The following GPC1 variants were observed in gnomAD, a reference collection of about 807,000 sequenced individuals.
GPC1 encodes glypican 1.
GPC1 carries 26 observed loss-of-function variants against 51.5 expected under a neutral mutation model. The ratio of observed to expected loss-of-function variants is 0.50; its 90% CI spans 0.37 to 0.70. The LOEUF (loss-of-function observed/expected upper bound fraction) is 0.70. GPC1 is among the 30% of genes least tolerant of loss of function. GPC1 has a pLI of 0.00. For synonymous variants in GPC1, 380 were observed against 348.3 expected (o/e 1.09, Z -1.01); for missense variants, 775 against 800.5 (o/e 0.97, Z 0.38).
intron 2 of GPC1, among the ~76,000 whole-genome samples, chr2:240,460,924 G>T (rs865847893): frequency 1.3e-5 from 2 of 152,152 alleles, no homozygotes; most frequent in African/African-American, 4.8e-5. Context: ...AGTGGGAGGC[G>T]GTAGGAGGGG....
At chr2:240,438,249 C>T (rs2073996237) in intron 1 of GPC1, among the ~76,000 whole-genome samples, 1 of 152,184 alleles carries the variant, frequency 6.6e-6, no homozygotes, top group East Asian at 1.9e-4. Context: ...AGGAACCTCT[C>T]TCCCTGCACC....
intron 7 of GPC1, 63 bp from the exon 8 acceptor site, chr2:240,465,410 T>C: frequency 6.6e-7 from 1 of 1,506,220 alleles, no homozygotes; most frequent in Non-Finnish European, 9.2e-7. Context: ...AGTGTCCTGC[T>C]CAGGTGATGG....
rs553420280 is a variant in GPC1 at position 240,441,750 on chromosome 2, C to G, written c.166+5666C>G. Among the ~76,000 whole-genome samples, 28 of 152,312 alleles carry G rather than the reference C, an allele frequency of 1.8e-4. 1 individual carries two copies. The South Asian group carries it at 5.6e-3, about 30-fold the overall frequency. ...CCCTGAGCCGCTTGAAGTCTCCTGA[C>G]GGGGTGGGGGGTGCAGTGTAGGGTG... On this transcript the variant is annotated intron_variant, in intron 1 of 8. Coordinates refer to ENST00000264039, the MANE Select transcript of GPC1 (RefSeq NM_002081.3).
intron 2 of GPC1, among the ~76,000 whole-genome samples, chr2:240,461,329 T>C (rs1018862209): frequency 6.6e-6 from 1 of 152,214 alleles, no homozygotes; most frequent in Non-Finnish European, 1.5e-5. Flanking sequence ...TCTGCCCTGC[T>C]ACCCTGGAGC....
chr2:240,464,828 C>A, intron 5 of GPC1, 28 bp from the exon 6 acceptor site: 1 of 1,561,998 alleles, frequency 6.4e-7, no homozygotes, highest in East Asian at 2.4e-5. Context: ...CCCCACTACC[C>A]CCCAAGGACC....
intron 1 of GPC1, 93 bp from the exon 2 acceptor site, chr2:240,458,937 G>T: frequency 1.7e-6 from 2 of 1,211,496 alleles, no homozygotes; most frequent in East Asian, 2.5e-5. Context: ...CTCCACCCTG[G>T]GTCTGCCATC....
intron 1 of GPC1, chr2:240,442,210 C>G (rs775522764): frequency 6.7e-6 from 1 of 149,168 alleles, no homozygotes; most frequent in East Asian, 1.9e-4. Flanking sequence ...TCGGCCAACA[C>G]GTACCCTCCC....
intron 3 of GPC1, among the ~76,000 whole-genome samples, chr2:240,462,905 CAGAAG>C (rs1179050587): frequency 5.3e-5 from 8 of 152,078 alleles, no homozygotes; most frequent in Non-Finnish European, 2.9e-5. Context: ...GCAGAGGAGA[CAGAAG>C]AGAACAACAT....
rs2074229669 is a variant in GPC1, at chr2:240,463,007, C to G, written c.718-340C>G. On this transcript the variant is annotated intron_variant, in intron 3 of 8. Coordinates refer to ENST00000264039, the MANE Select transcript of GPC1 (RefSeq NM_002081.3). ...CTTGCGGGGCACGTGTCAGACCCAG[C>G]TAAGCTGGGACATAGGGAGGGCGTC... 2.0e-5 allele frequency among the ~76,000 whole-genome samples: 3 copies of G among 152,308 alleles called. No individual in the cohort carries two copies. The South Asian group carries it at 6.2e-4, about 32-fold the overall frequency.
Position 240,465,566 on chromosome 2 carries a change from G to C in GPC1, c.1362G>C (p.Arg454=). ...TCACCAAGCCGGACATGACCATCCG[G>C]CAGCAGATCATGCAGCTGAAGATCA... ...VDITKPDMTI[R]QQIMQLKIMT... is the part of the protein sequence containing the mutation. The change falls in exon 8 of 9, where the codon CGG becomes CGC. Residue 454 remains arginine, a synonymous_variant. Coordinates refer to ENST00000264039, the MANE Select transcript of GPC1 (RefSeq NM_002081.3). 6.2e-7 allele frequency: 1 copy of C among 1,613,170 alleles called. No individual in the cohort carries two copies. The highest frequency in any genetic ancestry group is 1.1e-5 in the South Asian group (1 of 91,088).
Position 240,465,574 on chromosome 2 carries a change from T to C in GPC1, c.1370T>C (p.Ile457Thr). 6.2e-7 allele frequency: 1 copy of C among 1,613,086 alleles called. No individual in the cohort carries two copies. ...TKPDMTIRQQIMQLKIMTNRL... is the reference protein window; with the variant it reads ...TKPDMTIRQQTMQLKIMTNRL... ...CCGGACATGACCATCCGGCAGCAGATCATGCAGCTGAAGATCATGACCAAC... is the reference window on the plus strand; with the variant it reads ...CCGGACATGACCATCCGGCAGCAGACCATGCAGCTGAAGATCATGACCAAC... The change falls in exon 8 of 9, where the codon ATC becomes ACC. Residue 457 changes from isoleucine (I) to threonine (T), a missense_variant. By Grantham distance (89) the Ile-to-Thr change is moderately conservative (BLOSUM62 -1). Transcript: ENST00000264039.
chr2:240,446,309 T>G lies in GPC1; in HGVS notation c.166+10225T>G, dbSNP rs77398729. Among the ~76,000 whole-genome samples, 1,423 of 152,362 alleles carry G rather than the reference T, an allele frequency of 9.3e-3. 21 individuals carry two copies. The highest frequency in any genetic ancestry group is 0.033 in the African/African-American group (1,354 of 41,584). ...CTGCATCATTGGAGGCTCCGTGAGC[T>G]CCTACTGGGTGCTGTTCTGGGTGCT... is the stretch of plus-strand genomic sequence containing the variant. On this transcript the variant is annotated intron_variant, in intron 1 of 8. Coordinates refer to ENST00000264039, the MANE Select transcript of GPC1 (RefSeq NM_002081.3).
chr2:240,446,913 T>C (rs10207602), intron 1 of GPC1, among the ~76,000 whole-genome samples: 90,526 of 152,002 alleles, frequency 0.6, 28,849 homozygotes, highest in African/African-American at 0.8. Context: ...GCAGTGGAGC[T>C]GCACGGCTGG....
At chr2:240,447,355 G>T (rs35140969) in intron 1 of GPC1, among the ~76,000 whole-genome samples, 4 of 152,162 alleles carry the variant, frequency 2.6e-5, no homozygotes, top group African/African-American at 9.6e-5. Context: ...TGGTTGGGGC[G>T]ACATTGACAG....
chr2:240,461,801 G>T (rs545876833), intron 2 of GPC1, among the ~76,000 whole-genome samples: 1 of 152,058 alleles, frequency 6.6e-6, no homozygotes, highest in East Asian at 1.9e-4. Flanking sequence ...TGGCAGGGGG[G>T]CACAGACCGG....
intron 1 of GPC1, chr2:240,457,924 C>T (rs2074182975): frequency 7.6e-6 from 3 of 396,062 alleles, no homozygotes; most frequent in Non-Finnish European, 1.6e-5. Context: ...CCCTTGACCC[C>T]ACCCCTCTGA....
At chr2:240,463,216 G>A (rs993755358) in intron 3 of GPC1, 131 bp from the exon 4 acceptor site, 8 of 714,870 alleles carry the variant, frequency 1.1e-5, no homozygotes, top group South Asian at 1.8e-5. Flanking sequence ...CGACCACCAC[G>A]AGCTGGGGCA....
intron 1 of GPC1, among the ~76,000 whole-genome samples, chr2:240,456,437 C>A (rs2074164782): frequency 6.6e-6 from 1 of 152,146 alleles, no homozygotes. Flanking sequence ...GAGTCTTGGA[C>A]CAGCTCACTC....
At chr2:240,437,818 A>C (rs866265232) in intron 1 of GPC1, among the ~76,000 whole-genome samples, 10 of 152,324 alleles carry the variant, frequency 6.6e-5, no homozygotes, top group Middle Eastern at 3.4e-3. Flanking sequence ...TCCTCTGGGC[A>C]GTTGCATCCT....
Sources: allele counts gnomAD v4.1 joint callset (sites outside exome capture counted in the v4.1 genomes callset), GRCh38; gene constraint gnomAD v4.1.1; transcripts MANE v1.5; gene names NCBI Gene and HGNC (gene_info 2026-07-23, HGNC 2026-07-21).